TACR3: variants seen among roughly 807,000 people sequenced by gnomAD.
TACR3 encodes neuromedin-K receptor.
In TACR3, 34 loss-of-function variants were observed where a neutral mutation model predicts 35.0. The observed-to-expected ratio is 0.97, with a 90% CI of 0.74 to 1.30. The LOEUF (loss-of-function observed/expected upper bound fraction) is 1.30, where lower values mean the gene tolerates loss of function less well. Among genes scored for constraint, TACR3 ranks in the 50% most tolerant of loss-of-function variants. The pLI is 0.00. For synonymous variants in TACR3, 233 were observed against 221.1 expected (o/e 1.05, Z -0.48); for missense variants, 558 against 591.7 (o/e 0.94, Z 0.59).
intron 1 of TACR3, among the ~76,000 whole-genome samples, chr4:103,709,120 C>G (rs1053113765): frequency 6.6e-6 from 1 of 152,116 alleles, no homozygotes; most frequent in Non-Finnish European, 1.5e-5. Context: ...AACCTACCAA[C>G]GCAGGCCAAC....
rs188047902 is a variant in TACR3 at position 103,643,192 on chromosome 4, A to G, written c.888+13002T>C. 5.9e-5 allele frequency among the ~76,000 whole-genome samples: 9 copies of G among 152,040 alleles called. No homozygotes were observed. In the East Asian group the frequency reaches 1.7e-3, roughly 29 times the overall value. ...TAAACTTACATAACTAGAATAAAATAAAATAAACTTATTCATTTGTTTGTA... is the reference window on the plus strand; with the variant it reads ...TAAACTTACATAACTAGAATAAAATGAAATAAACTTATTCATTTGTTTGTA... On this transcript the variant is annotated intron_variant, in intron 3 of 4. Transcript: ENST00000304883.
At chr4:103,708,257 G>A (rs1405671007) in intron 1 of TACR3, among the ~76,000 whole-genome samples, 1 of 152,172 alleles carries the variant, frequency 6.6e-6, no homozygotes, top group Non-Finnish European at 1.5e-5. Context: ...CCCTCCAGTA[G>A]GGGCAGACTG....
intron 3 of TACR3, among the ~76,000 whole-genome samples, chr4:103,631,553 G>A (rs761578515): frequency 3.3e-5 from 5 of 152,136 alleles, no homozygotes; most frequent in Non-Finnish European, 5.9e-5. Flanking sequence ...TTTCAGTCCT[G>A]AGGGAATTAA....
chr4:103,596,696 T>C (rs1368428541), intron 3 of TACR3, among the ~76,000 whole-genome samples: 1 of 152,160 alleles, frequency 6.6e-6, no homozygotes, highest in Non-Finnish European at 1.5e-5. Flanking sequence ...GTTGGTCTGC[T>C]GCACCCATTA....
intron 1 of TACR3, among the ~76,000 whole-genome samples, chr4:103,676,807 G>T (rs769603948): frequency 4.6e-5 from 7 of 152,134 alleles, no homozygotes; most frequent in African/African-American, 7.2e-5. Flanking sequence ...CACGGGCAAA[G>T]ATTTTATGAC....
At chr4:103,707,505 G>T (rs368000200) in intron 1 of TACR3, among the ~76,000 whole-genome samples, 3 of 152,010 alleles carry the variant, frequency 2.0e-5, no homozygotes, top group South Asian at 2.1e-4. Flanking sequence ...TAATTCAGAA[G>T]AAAATCAATA....
intron 3 of TACR3, among the ~76,000 whole-genome samples, chr4:103,639,261 T>TA (rs34676017): frequency 1.1e-4 from 16 of 151,788 alleles, no homozygotes; most frequent in Admixed American, 2.0e-4. Context: ...TATGCAGCCA[T>TA]AAAAAAATGA....
At chr4:103,697,510 C>T (rs369145432) in intron 1 of TACR3, among the ~76,000 whole-genome samples, 85 of 151,994 alleles carry the variant, frequency 5.6e-4, no homozygotes, top group African/African-American at 1.7e-3. Context: ...CTGCAAGCTT[C>T]GCCTCCCGGG....
chr4:103,655,498 A>C (rs1471819543), intron 3 of TACR3, among the ~76,000 whole-genome samples: 1 of 152,136 alleles, frequency 6.6e-6, no homozygotes, highest in African/African-American at 2.4e-5. Flanking sequence ...TTATGAAAAA[A>C]ATCTAACTTA....
chr4:103,629,862 A>AAAAAAAAAAAAAAAAAC (rs1725011576), intron 3 of TACR3, among the ~76,000 whole-genome samples: 3 of 111,556 alleles, frequency 2.7e-5, no homozygotes, highest in East Asian at 2.2e-4. Context: ...AAAAAAAAAC[A>AAAAAAAAAAAAAAAAAC]AAAAAAAAAC....
chr4:103,648,142 A>G (rs1383492990), intron 3 of TACR3, among the ~76,000 whole-genome samples: 2 of 152,080 alleles, frequency 1.3e-5, no homozygotes, highest in African/African-American at 4.8e-5. Context: ...TGGGAGTTCA[A>G]TCAGCATCTG....
At chr4:103,630,869 A>G (rs1725041857) in intron 3 of TACR3, among the ~76,000 whole-genome samples, 1 of 152,110 alleles carries the variant, frequency 6.6e-6, no homozygotes, top group Non-Finnish European at 1.5e-5. Context: ...TACTATAAAG[A>G]CACACACACA....
At chr4:103,657,449 T>C (rs1725753976) in intron 2 of TACR3, among the ~76,000 whole-genome samples, 1 of 152,076 alleles carries the variant, frequency 6.6e-6, no homozygotes, top group African/African-American at 2.4e-5. Context: ...CCTCCTAATA[T>C]TTTTGTTCAA....
At chr4:103,659,062 G>A (rs772055037) in intron 1 of TACR3, among the ~76,000 whole-genome samples, 18 of 152,108 alleles carry the variant, frequency 1.2e-4, no homozygotes, top group Non-Finnish European at 2.5e-4. Flanking sequence ...GGCTTTCTAT[G>A]AGAATCTAAT....
At chr4:103,702,186 A>G (rs916508197) in intron 1 of TACR3, among the ~76,000 whole-genome samples, 17 of 152,218 alleles carry the variant, frequency 1.1e-4, no homozygotes, top group Non-Finnish European at 1.8e-4. Context: ...TCTACAATGA[A>G]CTCAAACAAA....
chr4:103,623,324 A>G (rs1394813949), intron 3 of TACR3, among the ~76,000 whole-genome samples: 3 of 152,176 alleles, frequency 2.0e-5, no homozygotes, highest in African/African-American at 7.2e-5. Context: ...TTCAGAGAGA[A>G]GAGAATCTGA....
chr4:103,587,163 G>A lies in TACR3; in HGVS notation c.*2519C>T, dbSNP rs1023113198. ...CACTGGGATGACTTTATTTAAAAATGAATCTCACTGAATTTGATTTTGTGC... is the reference window on the plus strand; with the variant it reads ...CACTGGGATGACTTTATTTAAAAATAAATCTCACTGAATTTGATTTTGTGC... On this transcript the variant is annotated 3_prime_UTR_variant, in exon 5 of 5. Coordinates refer to ENST00000304883, the MANE Select transcript of TACR3 (RefSeq NM_001059.3). The A allele has an allele frequency of 2.6e-5, 4 of 151,994 alleles. No homozygotes were observed. Among genetic ancestry groups the A allele is most frequent in the South Asian group, 2.1e-4 (1 of 4,826 alleles). The allele number at this position is 151,994 out of a possible 1,614,324, so 9.4% of individuals were successfully genotyped here. A position where few individuals can be genotyped will look rare whatever the true frequency, so the allele number is the denominator to read the frequency against.
chr4:103,599,874 T>C (rs1477869249), intron 3 of TACR3, among the ~76,000 whole-genome samples: 1 of 152,196 alleles, frequency 6.6e-6, no homozygotes, highest in Non-Finnish European at 1.5e-5. Context: ...TTATTGAGGA[T>C]TTTTGCATCA....
intron 4 of TACR3, among the ~76,000 whole-genome samples, chr4:103,590,251 T>A (rs1005735665): frequency 2.0e-5 from 3 of 152,102 alleles, no homozygotes; most frequent in African/African-American, 7.2e-5. Context: ...CAGTGAGAAG[T>A]CATCAATAGC....
Sources: gnomAD v4.1 joint callset for allele counts (sites outside exome capture counted in the v4.1 genomes callset) on GRCh38, gnomAD v4.1.1 for gene constraint, MANE v1.5 for transcripts, NCBI Gene and HGNC (gene_info 2026-07-23, HGNC 2026-07-21) for gene names.